The following ZBTB20 variants were observed in gnomAD, a reference collection of about 807,000 sequenced individuals.
ZBTB20 encodes the protein zinc finger and BTB domain containing 20.
A neutral mutation model predicts 56.9 loss-of-function variants in ZBTB20; 9 were observed. The observed-to-expected ratio is 0.16, with a 90% CI of 0.10 to 0.28. The LOEUF (loss-of-function observed/expected upper bound fraction) is 0.28. Ranked by LOEUF, ZBTB20 falls within the 10% of genes least tolerant of loss-of-function variation. ZBTB20 has a pLI of 1.00. For missense variants in ZBTB20, 655 were observed against 1,003.0 expected, an observed-to-expected ratio of 0.65 and a Z score of 4.69; for synonymous variants, 417 against 420.7, an observed-to-expected ratio of 0.99 and a Z score of 0.11.
intron 10 of ZBTB20, among the ~76,000 whole-genome samples, chr3:114,366,465 C>A (rs954874617): frequency 1.3e-5 from 2 of 152,208 alleles, no homozygotes; most frequent in South Asian, 2.1e-4. Context: ...AAATATTGTA[C>A]CATCTAATTT....
At chr3:114,390,634 A>C (rs2085766691) in intron 7 of ZBTB20, among the ~76,000 whole-genome samples, 1 of 151,998 alleles carries the variant, frequency 6.6e-6, no homozygotes. Context: ...CTCAACAATC[A>C]CTTCTCCATG....
intron 5 of ZBTB20, among the ~76,000 whole-genome samples, chr3:114,701,497 T>C (rs2063384271): frequency 6.6e-6 from 1 of 152,224 alleles, no homozygotes; most frequent in African/African-American, 2.4e-5. Flanking sequence ...AACTGGTATT[T>C]ACTGAGTACA....
chr3:114,501,299 T>A (rs2043925557), intron 6 of ZBTB20, among the ~76,000 whole-genome samples: 1 of 152,174 alleles, frequency 6.6e-6, no homozygotes, highest in Admixed American at 6.5e-5. Flanking sequence ...GTGTTCTTGT[T>A]CTATGTTTAA....
At chr3:114,994,820 T>G (rs1051935205) in intron 2 of ZBTB20, among the ~76,000 whole-genome samples, 1 of 151,818 alleles carries the variant, frequency 6.6e-6, no homozygotes, top group Non-Finnish European at 1.5e-5. Context: ...TCAGGATGAA[T>G]TTACTGAAAT....
intron 3 of ZBTB20, among the ~76,000 whole-genome samples, chr3:114,920,096 G>A (rs1008048634): frequency 2.0e-5 from 3 of 152,062 alleles, no homozygotes; most frequent in Non-Finnish European, 4.4e-5. Flanking sequence ...ACATATACAT[G>A]CACTCAACAT....
At chr3:114,901,257 C>T (rs1576276376) in intron 3 of ZBTB20, among the ~76,000 whole-genome samples, 1 of 150,308 alleles carries the variant, frequency 6.7e-6, no homozygotes, top group South Asian at 2.1e-4. Flanking sequence ...AAGAGAGAGG[C>T]TCCATCTCAA....
intron 6 of ZBTB20, among the ~76,000 whole-genome samples, chr3:114,621,311 T>C (rs566258385): frequency 6.6e-6 from 1 of 152,306 alleles, no homozygotes; most frequent in African/African-American, 2.4e-5. Context: ...AAAAGTCAGC[T>C]ACATTTCATT....
intron 3 of ZBTB20, among the ~76,000 whole-genome samples, chr3:114,951,754 A>G (rs1198435665): frequency 6.6e-6 from 1 of 152,122 alleles, no homozygotes; most frequent in Non-Finnish European, 1.5e-5. Context: ...CTAAATCACC[A>G]GGCACAAGAA....
At chr3:115,126,468 T>G (rs2084336095) in intron 1 of ZBTB20, among the ~76,000 whole-genome samples, 1 of 152,084 alleles carries the variant, frequency 6.6e-6, no homozygotes. Context: ...TGTCCATTGG[T>G]AGAAGAAAGG....
At chr3:114,383,912 G>A (rs1271021369) in intron 8 of ZBTB20, among the ~76,000 whole-genome samples, 2 of 152,164 alleles carry the variant, frequency 1.3e-5, no homozygotes, top group African/African-American at 2.4e-5. Context: ...GCACATCTGA[G>A]GGCAAGTCTT....
chr3:114,931,685 ATTG>A (rs978356268), intron 3 of ZBTB20, among the ~76,000 whole-genome samples: 2 of 151,646 alleles, frequency 1.3e-5, no homozygotes, highest in Non-Finnish European at 2.9e-5. Context: ...AAAGGTTTTT[ATTG>A]TTGTTGTTTT....
At chr3:114,736,755 A>G (rs1386823512) in intron 5 of ZBTB20, among the ~76,000 whole-genome samples, 1 of 152,098 alleles carries the variant, frequency 6.6e-6, no homozygotes, top group African/African-American at 2.4e-5. Flanking sequence ...GTGAGCCCCA[A>G]AGAAACAAAC....
At chr3:114,725,743 A>G (rs970811326) in intron 5 of ZBTB20, among the ~76,000 whole-genome samples, 40 of 152,248 alleles carry the variant, frequency 2.6e-4, no homozygotes, top group African/African-American at 8.9e-4. Flanking sequence ...TGTGTAACAA[A>G]TAACAGGAGA....
intron 7 of ZBTB20, among the ~76,000 whole-genome samples, chr3:114,436,066 T>C (rs1298878992): frequency 1.3e-5 from 2 of 152,216 alleles, no homozygotes; most frequent in Admixed American, 1.3e-4. Flanking sequence ...AGGCTGCTGG[T>C]GCAATCCACC....
intron 4 of ZBTB20, among the ~76,000 whole-genome samples, chr3:114,835,795 A>AT (rs773205227): frequency 6.6e-5 from 10 of 151,956 alleles, no homozygotes; most frequent in Admixed American, 1.3e-4. Context: ...CCTAGATGAC[A>AT]TTTTTTTTCT....
chr3:114,847,175 A>G (rs146290945), intron 4 of ZBTB20, among the ~76,000 whole-genome samples: 1 of 152,236 alleles, frequency 6.6e-6, no homozygotes, highest in Non-Finnish European at 1.5e-5. Flanking sequence ...AAACAAATCT[A>G]TAGGCTTCTC....
At chr3:114,498,099 C>A (rs1182134491) in intron 7 of ZBTB20, among the ~76,000 whole-genome samples, 1 of 152,142 alleles carries the variant, frequency 6.6e-6, no homozygotes, top group South Asian at 2.1e-4. Flanking sequence ...AAGATATTGT[C>A]CTGAGAATAA....
At chr3:114,452,610 C>T (rs1028031711) in intron 7 of ZBTB20, among the ~76,000 whole-genome samples, 51 of 152,264 alleles carry the variant, frequency 3.3e-4, no homozygotes, top group Admixed American at 2.7e-3. Context: ...ATGAGCATCA[C>T]ACTCTGCCCT....
intron 1 of ZBTB20, among the ~76,000 whole-genome samples, chr3:115,093,116 A>T (rs935452086): frequency 1.3e-5 from 2 of 152,144 alleles, no homozygotes; most frequent in Admixed American, 1.3e-4. Context: ...AGTCAGAACA[A>T]AAAACCAGAC....
Sources: gnomAD v4.1 joint callset for allele counts (sites outside exome capture counted in the v4.1 genomes callset) on GRCh38, gnomAD v4.1.1 for gene constraint, MANE v1.5 for transcripts, NCBI Gene and HGNC (gene_info 2026-07-23, HGNC 2026-07-21) for gene names.